The following PHC2 variants were observed in gnomAD, a reference collection of about 807,000 sequenced individuals.
The protein encoded by PHC2 is polyhomeotic homolog 2, also known as polyhomeotic-like protein 2.
In PHC2, 29 loss-of-function variants were observed where a neutral mutation model predicts 87.4. The ratio of observed to expected loss-of-function variants is 0.33; its 90% CI spans 0.25 to 0.45. PHC2 has a LOEUF of 0.45. Among genes scored for constraint, PHC2 ranks in the 20% least tolerant of loss-of-function variants. The probability of loss-of-function intolerance (pLI) is 1.00; values close to 1 mark genes in which losing one functional copy is unlikely to be tolerated. For synonymous variants in PHC2, 438 were observed against 461.7 expected, an observed-to-expected ratio of 0.95 and a Z score of 0.66; for missense variants, 857 against 1,136.7, an observed-to-expected ratio of 0.75 and a Z score of 3.54.
chr1:33,369,251 A>G lies in PHC2; in HGVS notation c.577-629T>C, dbSNP rs926661543. 3.9e-5 allele frequency among the ~76,000 whole-genome samples: 6 copies of G among 152,222 alleles called. No individual in the cohort carries two copies. Among genetic ancestry groups the G allele is most frequent in the Admixed American group, 6.5e-5 (1 of 15,290 alleles). ...GTGCAGGATCCATGGTGTTCTCTGC[A>G]TGACACCTCGACCTCCGTGGGAGTC... On this transcript the variant is annotated intron_variant, in intron 5 of 14. Transcript: ENST00000683057. The surrounding 1 kb of genome is among the most constrained non-coding windows in gnomAD (Gnocchi z 4.7).
At chr1:33,399,472 A>C (rs1056318019) in intron 1 of PHC2, among the ~76,000 whole-genome samples, 2 of 152,210 alleles carry the variant, frequency 1.3e-5, no homozygotes, top group African/African-American at 2.4e-5. Context: ...TTTTCCTGTC[A>C]GATGCCATGT....
At chr1:33,356,281 A>ATATATATATATATATATACG (rs1647082146) in intron 7 of PHC2, among the ~76,000 whole-genome samples, 2 of 136,432 alleles carry the variant, frequency 1.5e-5, no homozygotes, top group Non-Finnish European at 3.1e-5. Context: ...ATATATGTAT[A>ATATATATATATATATATACG]TATATATATA....
chr1:33,371,070 C>T lies in PHC2; in HGVS notation c.358G>A (p.Gly120Arg). Residue 120 changes from glycine (G) to arginine (R), a missense_variant, in exon 4 of 15, where the codon GGA becomes AGA. Transcript: ENST00000683057. ...GACACATTGCTGCCTGAAGTGCTTCCTTGTCTATTGGATACCAGGCTTGCC... is the reference window on the plus strand; with the variant it reads ...GACACATTGCTGCCTGAAGTGCTTCTTTGTCTATTGGATACCAGGCTTGCC... ...QQASLVSNRQ[G>R]STSGSNVSAQ... 1 of 1,614,100 alleles carries T rather than the reference C, an allele frequency of 6.2e-7. No individual in the cohort carries two copies. The highest frequency in any genetic ancestry group is 8.5e-7 in the Non-Finnish European group (1 of 1,179,982).
At chr1:33,347,802 A>T (rs913746670) in intron 9 of PHC2, 1 of 886,060 alleles carries the variant, frequency 1.1e-6, no homozygotes, top group Non-Finnish European at 1.4e-6. Flanking sequence ...GTGCCAAAAG[A>T]GCACCACTCC....
rs1016954736 is a variant in PHC2, at chr1:33,323,647, T to TA, written c.*1217dup. On this transcript the variant is annotated 3_prime_UTR_variant, in exon 15 of 15. Coordinates refer to ENST00000683057, the MANE Select transcript of PHC2 (RefSeq NM_001385109.1). ...GAGACAGATTTTACAGATTTATTTTTAAAAAACAAAACAAAGGTTAAAAAA... is the reference window on the plus strand; with the variant it reads ...GAGACAGATTTTACAGATTTATTTTTAAAAAAACAAAACAAAGGTTAAAAAA... 7 of 152,580 alleles carry TA rather than the reference T, an allele frequency of 4.6e-5. No individual in the cohort carries two copies. Among genetic ancestry groups the TA allele is most frequent in the African/African-American group, 1.7e-4 (7 of 41,414 alleles). The allele number at this position is 152,580 out of a possible 1,614,324, so 9.5% of individuals were successfully genotyped here. A position where few individuals can be genotyped will look rare whatever the true frequency, so the allele number is the denominator to read the frequency against.
At chr1:33,373,440 C>CCTCT (rs200845741) in intron 2 of PHC2, among the ~76,000 whole-genome samples, 1 of 151,690 alleles carries the variant, frequency 6.6e-6, no homozygotes, top group Non-Finnish European at 1.5e-5. Context: ...TCTTTCCCTT[C>CCTCT]CTCTCTCTCT....
At chr1:33,375,253 G>A (rs1648104795) in intron 2 of PHC2, 113 bp downstream of exon 2, 2 of 847,908 alleles carry the variant, frequency 2.4e-6, no homozygotes, top group African/African-American at 1.7e-5. Flanking sequence ...ACTCCCATAT[G>A]CCCGTTCTAG....
chr1:33,398,836 G>A (rs1482527818), intron 1 of PHC2, among the ~76,000 whole-genome samples: 2 of 152,170 alleles, frequency 1.3e-5, no homozygotes, highest in Middle Eastern at 3.2e-3. Context: ...TCACAACAGA[G>A]GGCACAGTTG....
At position 33,364,428 on chromosome 1, in the gene PHC2, T is replaced by C. The variant is rs1426641816; in HGVS notation, c.976+2688A>G. On this transcript the variant is annotated intron_variant, in intron 7 of 14. Coordinates refer to ENST00000683057, the MANE Select transcript of PHC2 (RefSeq NM_001385109.1). The surrounding 1 kb of genome is among the most constrained non-coding windows in gnomAD (Gnocchi z 4.1). Reference sequence around the variant, plus strand: ...CACACACACACACACACACACACGCTCAAGCACGCTCTTCTCTCCTGCTCT... The same window carrying C: ...CACACACACACACACACACACACGCCCAAGCACGCTCTTCTCTCCTGCTCT... Among the ~76,000 whole-genome samples the C allele has an allele frequency of 7.5e-6, 1 of 134,196 alleles. No individual in the cohort carries two copies. Among genetic ancestry groups the C allele is most frequent in the East Asian group, 2.4e-4 (1 of 4,184 alleles). 88.0% of individuals were successfully genotyped at this position (134,196 alleles called of 152,430 possible).
At chr1:33,408,330 TTGCACTAGTTTGCTTCAAATGGAGC>T (rs1396825157) in intron 1 of PHC2, among the ~76,000 whole-genome samples, 4 of 152,232 alleles carry the variant, frequency 2.6e-5, no homozygotes, top group Non-Finnish European at 5.9e-5. Context: ...ATGAATTTAT[TTGCACTAGTTTGCTTCAAATGGAGC>T]TGCACTAGTT....
intron 1 of PHC2, among the ~76,000 whole-genome samples, chr1:33,385,319 G>A (rs1452618856): frequency 2.6e-5 from 4 of 152,132 alleles, no homozygotes; most frequent in Non-Finnish European, 2.9e-5. Flanking sequence ...AAAGCATTTC[G>A]GAAACAAAAA....
rs1647644734 is a variant in PHC2 at position 33,368,851 on chromosome 1, T to C, written c.577-229A>G. ...CGCCTGCCTTTCTCTAGAGGCTCGT[T>C]GCATCCTGACCCAGGCTGGGTGCAG... On this transcript the variant is annotated intron_variant, in intron 5 of 14. Coordinates refer to ENST00000683057, the MANE Select transcript of PHC2 (RefSeq NM_001385109.1). This position sits in a 1 kb window ranked among gnomAD's most constrained non-coding sequence, Gnocchi z 6.6. Among the ~76,000 whole-genome samples the C allele has an allele frequency of 6.6e-6, 1 of 151,882 alleles. No individual in the cohort carries two copies. Among genetic ancestry groups the C allele is most frequent in the Non-Finnish European group, 1.5e-5 (1 of 67,966 alleles).
intron 1 of PHC2, among the ~76,000 whole-genome samples, chr1:33,415,631 C>A (rs1650173507): frequency 6.6e-6 from 1 of 151,862 alleles, no homozygotes; most frequent in East Asian, 1.9e-4. Flanking sequence ...ACCAGGCATG[C>A]AAAGAAATGG....
At chr1:33,358,053 G>A (rs1647126412) in intron 7 of PHC2, among the ~76,000 whole-genome samples, 1 of 152,198 alleles carries the variant, frequency 6.6e-6, no homozygotes, top group Admixed American at 6.5e-5. Context: ...GAAAGAGGAG[G>A]TCTGGGCTAG....
At chr1:33,388,694 A>G (rs766250440) in intron 1 of PHC2, among the ~76,000 whole-genome samples, 21 of 152,194 alleles carry the variant, frequency 1.4e-4, no homozygotes, top group Non-Finnish European at 2.5e-4. Context: ...CGTAGAAAGA[A>G]AACACCCAGC....
chr1:33,372,522 C>T, intron 2 of PHC2, 75 bp from the exon 3 acceptor site: 2 of 1,338,290 alleles, frequency 1.5e-6, no homozygotes, highest in Non-Finnish European at 9.9e-7. Flanking sequence ...TAATGCCTTG[C>T]CCACCCCAGG....
chr1:33,407,439 A>G (rs1001005958), intron 1 of PHC2, among the ~76,000 whole-genome samples: 7 of 152,186 alleles, frequency 4.6e-5, no homozygotes, highest in Non-Finnish European at 7.3e-5. Flanking sequence ...AGAAACCACT[A>G]CTAGTATGGA....
chr1:33,426,881 G>A (rs1193240684), intron 1 of PHC2, among the ~76,000 whole-genome samples: 1 of 152,096 alleles, frequency 6.6e-6, no homozygotes. Flanking sequence ...TGTGGGGCCT[G>A]GTGCAAAATG....
chr1:33,377,239 C>T (rs1648230353), intron 1 of PHC2, among the ~76,000 whole-genome samples: 1 of 152,232 alleles, frequency 6.6e-6, no homozygotes, highest in Non-Finnish European at 1.5e-5. Context: ...ATGAAAGGTG[C>T]TCAGCAGAGT....
Sources: allele counts gnomAD v4.1 joint callset (sites outside exome capture counted in the v4.1 genomes callset), GRCh38; gene constraint gnomAD v4.1.1; non-coding constraint Gnocchi (gnomAD v3.1); transcripts MANE v1.5; gene names NCBI Gene and HGNC (gene_info 2026-07-23, HGNC 2026-07-21).